The following POLE3 variants were observed in gnomAD, a reference collection of about 807,000 sequenced individuals.
POLE3 encodes DNA polymerase epsilon 3, accessory subunit.
A neutral mutation model predicts 16.1 loss-of-function variants in POLE3; 10 were observed. That is an observed-to-expected ratio of 0.62 (90% CI 0.38 to 1.05). The LOEUF is 1.05. Ranked by LOEUF, POLE3 falls within the 50% of genes least tolerant of loss-of-function variation. POLE3 has a pLI of 0.01. For synonymous variants in POLE3, 83 were observed against 71.0 expected (o/e 1.17, Z -0.85); for missense variants, 169 against 185.0 (o/e 0.91, Z 0.50).
rs1564392850 is a variant in POLE3, at chr9:113,410,414, G to A, written c.-115-6C>T. ...TCCGTTCCGCCCCACGTGGCCTACA[G>A]TGTCCCACAGTGCTCTGAGCGCCAT... On this transcript the variant is annotated splice_polypyrimidine_tract_variant and splice_region_variant and intron_variant, in intron 1 of 4. Transcript: ENST00000374171. The A allele has an allele frequency of 3.6e-6, 3 of 842,838 alleles. No homozygotes were observed. The highest frequency in any genetic ancestry group is 5.8e-6 in the Non-Finnish European group (3 of 518,922). The allele number at this position is 842,838 out of a possible 1,614,324, so 52.2% of individuals were successfully genotyped here.
Position 113,410,568 on chromosome 9 carries a change from A to G in POLE3, c.-116+49T>C, listed in dbSNP as rs1014149268. ...TACCGCACCCCGCACGCCCCTCCCC[A>G]GGTCCATTTCTCTGCTTCTCGCCAT... On this transcript the variant is annotated intron_variant, in intron 1 of 4. Transcript: ENST00000374171. 2.0e-5 allele frequency: 11 copies of G among 546,936 alleles called. No homozygotes were observed. The Admixed American group carries it at 3.4e-4, about 17-fold the overall frequency. 33.9% of individuals were successfully genotyped at this position (546,936 alleles called of 1,614,324 possible).
Position 113,409,619 on chromosome 9 carries a change from C to T in POLE3, c.262G>A (p.Ala88Thr), listed in dbSNP as rs762921780. The T allele has an allele frequency of 2.5e-6, 4 of 1,591,416 alleles. No homozygotes were observed. Among genetic ancestry groups the T allele is most frequent in the Admixed American group, 3.3e-5 (2 of 59,990 alleles). The change falls in exon 4 of 5, where the codon GCT becomes ACT. Residue 88 changes from alanine to threonine, a missense_variant. By Grantham distance (58) the Ala-to-Thr change is moderately conservative. Coordinates refer to ENST00000374171, the MANE Select transcript of POLE3 (RefSeq NM_017443.5). The part of the protein sequence containing the change: ...FQRFVTPLKE[A>T]LEAYRREQKG... ...ACAAGAGGCTCGTTACCTTCCAGAG[C>T]TTCTTTCAATGGGGTAACGAACCGC...
chr9:113,407,649 G>C lies in POLE3; in HGVS notation c.*1162C>G, dbSNP rs1366769140. On this transcript the variant is annotated 3_prime_UTR_variant, in exon 5 of 5. Transcript: ENST00000374171. ...CACCTGAGCCCAGGATTTCAAGGATGCAATGAGCTATGATCATGCCACTGC... is the reference window on the plus strand; with the variant it reads ...CACCTGAGCCCAGGATTTCAAGGATCCAATGAGCTATGATCATGCCACTGC... 1.3e-5 allele frequency: 2 copies of C among 152,398 alleles called. No homozygotes were observed. 9.4% of individuals were successfully genotyped at this position (152,398 alleles called of 1,614,324 possible).
rs148507157 is a variant in POLE3 at position 113,408,162 on chromosome 9, G to A, written c.*649C>T. On this transcript the variant is annotated 3_prime_UTR_variant, in exon 5 of 5. Coordinates refer to ENST00000374171, the MANE Select transcript of POLE3 (RefSeq NM_017443.5). ...GCTGATTTAAGAATATCTGTGATCA[G>A]ATTACTACCACACCAGCAGGCCGAT... is the stretch of plus-strand genomic sequence containing the variant. 1 of 152,418 alleles carries A rather than the reference G, an allele frequency of 6.6e-6. No individual in the cohort carries two copies. Among genetic ancestry groups the A allele is most frequent in the African/African-American group, 2.4e-5 (1 of 41,578 alleles). 9.4% of individuals were successfully genotyped at this position (152,418 alleles called of 1,614,324 possible).
rs1425059665 is a variant in POLE3 at position 113,407,491 on chromosome 9, C to T, written c.*1320G>A. On this transcript the variant is annotated 3_prime_UTR_variant, in exon 5 of 5. Coordinates refer to ENST00000374171, the MANE Select transcript of POLE3 (RefSeq NM_017443.5). ...TAGGGAGAGTTAGATTCCTGAGCACCATCAGATTTCCCTTAAGGTTTTTTG... is the reference window on the plus strand; with the variant it reads ...TAGGGAGAGTTAGATTCCTGAGCACTATCAGATTTCCCTTAAGGTTTTTTG... 1 of 152,488 alleles carries T rather than the reference C, an allele frequency of 6.6e-6. No individual in the cohort carries two copies. The highest frequency in any genetic ancestry group is 1.5e-5 in the Non-Finnish European group (1 of 68,010). The allele number at this position is 152,488 out of a possible 1,614,324, so 9.4% of individuals were successfully genotyped here. A position where few individuals can be genotyped will look rare whatever the true frequency, so the allele number is the denominator to read the frequency against.
Position 113,410,345 on chromosome 9 carries a change from G to T in POLE3, c.-52C>A. Reference sequence around the variant, plus strand: ...TTCGCCTCCGCTTCAGGGAGCTACTGCGTCCGGACTTCCCGCGTCGCTACG... The same window carrying T: ...TTCGCCTCCGCTTCAGGGAGCTACTTCGTCCGGACTTCCCGCGTCGCTACG... On this transcript the variant is annotated 5_prime_UTR_variant, in exon 2 of 5. Transcript: ENST00000374171. The T allele has an allele frequency of 6.5e-7, 1 of 1,543,930 alleles. No individual in the cohort carries two copies.
chr9:113,410,120 G>A lies in POLE3; in HGVS notation c.87C>T (p.Ile29=), dbSNP rs778505942. The A allele has an allele frequency of 4.4e-6, 7 of 1,595,834 alleles. No homozygotes were observed. The Admixed American group carries it at 7.0e-5, about 16-fold the overall frequency. ...AGATGGCGCTCCGGGCCTCCTTGGAGATGTTGACACCGTCCGGGAGCTGCG... is the reference window on the plus strand; with the variant it reads ...AGATGGCGCTCCGGGCCTCCTTGGAAATGTTGACACCGTCCGGGAGCTGCG... ...IKEALPDGVN[I]SKEARSAISR... is the part of the protein sequence containing the mutation. Residue 29 remains isoleucine, a synonymous_variant, in exon 3 of 5, where the codon ATC becomes ATT. Transcript: ENST00000374171.
In POLE3 at chr9:113,410,256, G is replaced by A; in HGVS notation, c.38C>T (p.Ala13Val). Residue 13 changes from alanine to valine, a missense_variant, in exon 2 of 5, where the codon GCC (alanine) becomes GTC (valine). By Grantham distance (64) the Ala-to-Val change is moderately conservative. Coordinates refer to ENST00000374171, the MANE Select transcript of POLE3 (RefSeq NM_017443.5). ...ERPEDLNLPN[A>V]VITRIIKEAL... ...CTCCTTGATGATCCTGGTGATCACG[G>A]CATTGGGCAGGTTTAGGTCCTCGGG... 1 of 1,613,774 alleles carries A rather than the reference G, an allele frequency of 6.2e-7. No homozygotes were observed. Among genetic ancestry groups the A allele is most frequent in the Non-Finnish European group, 8.5e-7 (1 of 1,179,978 alleles).
chr9:113,409,028 GC>G, intron 4 of POLE3, 45 bp from the exon 5 acceptor site: 1 of 1,572,774 alleles, frequency 6.4e-7, no homozygotes, highest in Non-Finnish European at 8.7e-7. Flanking sequence ...CTGAAAGTGA[GC>G]CAGACGGACT....
In POLE3 at chr9:113,410,383, G is replaced by T; in HGVS notation, c.-90C>A. On this transcript the variant is annotated 5_prime_UTR_variant, in exon 2 of 5. Transcript: ENST00000374171. ...CCGCGTCGCTACGGTCTGACCCTGCGAGGTTTCCGTTCCGCCCCACGTGGC... is the reference window on the plus strand; with the variant it reads ...CCGCGTCGCTACGGTCTGACCCTGCTAGGTTTCCGTTCCGCCCCACGTGGC... The T allele has an allele frequency of 7.8e-7, 1 of 1,273,942 alleles. No individual in the cohort carries two copies. The highest frequency in any genetic ancestry group is 1.1e-6 in the Non-Finnish European group (1 of 899,800). The allele number at this position is 1,273,942 out of a possible 1,614,324, so 78.9% of individuals were successfully genotyped here.
Position 113,410,342 on chromosome 9 carries a change from A to T in POLE3, c.-49T>A, listed in dbSNP as rs781431313. On this transcript the variant is annotated 5_prime_UTR_variant, in exon 2 of 5. Coordinates refer to ENST00000374171, the MANE Select transcript of POLE3 (RefSeq NM_017443.5). ...CCCTTCGCCTCCGCTTCAGGGAGCT[A>T]CTGCGTCCGGACTTCCCGCGTCGCT... 2.6e-6 allele frequency: 4 copies of T among 1,561,466 alleles called. No homozygotes were observed. The highest frequency in any genetic ancestry group is 2.6e-6 in the Non-Finnish European group (3 of 1,141,550).
chr9:113,410,643 C>T lies in POLE3; in HGVS notation c.-142G>A. On this transcript the variant is annotated 5_prime_UTR_variant, in exon 1 of 5. Transcript: ENST00000374171. ...AACTTATTTGGCTCAATGGAGCTTC[C>T]GTCCGTTTCCCATGGTGCCCTGCGC... is the stretch of plus-strand genomic sequence containing the variant. The T allele has an allele frequency of 5.8e-6, 2 of 344,820 alleles. No individual in the cohort carries two copies. The highest frequency in any genetic ancestry group is 4.2e-5 in the Admixed American group (1 of 23,628). 21.4% of individuals were successfully genotyped at this position (344,820 alleles called of 1,614,324 possible).
In POLE3 at chr9:113,410,239, T is replaced by C. The variant is rs943441294; in HGVS notation, c.55A>G (p.Ile19Val). The C allele has an allele frequency of 1.9e-6, 3 of 1,613,868 alleles. No homozygotes were observed. The African/African-American group carries it at 4.0e-5, about 22-fold the overall frequency. Reference protein sequence around the residue: ...NLPNAVITRIIKEALPDGVNI... With the variant: ...NLPNAVITRIVKEALPDGVNI... ...CCCGAGCTGCTCACCGCCTCCTTGA[T>C]GATCCTGGTGATCACGGCATTGGGC... Residue 19 changes from isoleucine (I) to valine (V), a missense_variant, in exon 2 of 5, where the codon ATC becomes GTC. Ile to Val is a conservative substitution (Grantham distance 29). Transcript: ENST00000374171.
rs1219432301 is a variant in POLE3, at chr9:113,410,074, C to T, written c.133G>A (p.Val45Met). 1 of 1,573,474 alleles carries T rather than the reference C, an allele frequency of 6.4e-7. No homozygotes were observed. Among genetic ancestry groups the T allele is most frequent in the South Asian group, 1.2e-5 (1 of 86,086 alleles). ...GCTCACCAGGATGTGGCGTACAGCACGAAGACGCTGGCGGCGCGGGAGATG... is the reference window on the plus strand; with the variant it reads ...GCTCACCAGGATGTGGCGTACAGCATGAAGACGCTGGCGGCGCGGGAGATG... Reference protein sequence around the residue: ...SAISRAASVFVLYATSCANNF... With the variant: ...SAISRAASVFMLYATSCANNF... The change falls in exon 3 of 5, where the codon GTG becomes ATG. Residue 45 changes from valine to methionine, a missense_variant. Transcript: ENST00000374171.
chr9:113,409,749 T>A (rs1828040859), intron 3 of POLE3, 21 bp from the exon 4 acceptor site: 1 of 1,452,488 alleles, frequency 6.9e-7, no homozygotes, highest in Admixed American at 1.7e-5. Context: ...AGAAAGGCTG[T>A]CAGACTCCCT....
chr9:113,409,373 A>AAC (rs1554743713), intron 4 of POLE3, among the ~76,000 whole-genome samples: 47 of 150,302 alleles, frequency 3.1e-4, no homozygotes, highest in South Asian at 1.3e-3. Context: ...AAAAAAAAAA[A>AAC]AAAAACAAAA....
rs565717888 is a variant in POLE3 at position 113,410,649 on chromosome 9, T to C, written c.-148A>G. ...TTTGGCTCAATGGAGCTTCCGTCCG[T>C]TTCCCATGGTGCCCTGCGCCGCTGC... On this transcript the variant is annotated 5_prime_UTR_variant, in exon 1 of 5. Transcript: ENST00000374171. 1 of 327,018 alleles carries C rather than the reference T, an allele frequency of 3.1e-6. No individual in the cohort carries two copies. The highest frequency in any genetic ancestry group is 5.8e-6 in the Non-Finnish European group (1 of 171,134). The allele number at this position is 327,018 out of a possible 1,614,324, so 20.3% of individuals were successfully genotyped here. A position where few individuals can be genotyped will look rare whatever the true frequency, so the allele number is the denominator to read the frequency against.
intron 4 of POLE3, 42 bp from the exon 5 acceptor site, chr9:113,409,025 T>C (rs1469305920): frequency 6.3e-7 from 1 of 1,582,076 alleles, no homozygotes; most frequent in African/African-American, 1.4e-5. Context: ...GAGCTGAAAG[T>C]GAGCCAGACG....
chr9:113,409,356 T>A (rs1314393744), intron 4 of POLE3, among the ~76,000 whole-genome samples: 1 of 94,270 alleles, frequency 1.1e-5, no homozygotes, highest in African/African-American at 5.1e-5. Context: ...CAAGACTCCG[T>A]CTCAAAAAAA....
Sources: allele counts gnomAD v4.1 joint callset (sites outside exome capture counted in the v4.1 genomes callset), GRCh38; gene constraint gnomAD v4.1.1; transcripts MANE v1.5; gene names NCBI Gene and HGNC (gene_info 2026-07-23, HGNC 2026-07-21).